TCF7L2: variants seen among roughly 807,000 people sequenced by gnomAD.
The protein encoded by TCF7L2 is transcription factor 7-like 2.
Under a neutral mutation model 77.9 loss-of-function variants are expected in TCF7L2, and 23 were observed. The ratio of observed to expected loss-of-function variants is 0.30; its 90% confidence interval spans 0.21 to 0.42. The LOEUF (loss-of-function observed/expected upper bound fraction) is 0.42, where lower values mean the gene tolerates loss of function less well. Ranked by LOEUF, TCF7L2 falls within the 10% of genes least tolerant of loss-of-function variation. The pLI is 1.00. For synonymous variants in TCF7L2, 413 were observed against 340.2 expected (o/e 1.21, Z -2.36); for missense variants, 654 against 793.1 (o/e 0.82, Z 2.11).
At chr10:113,159,650 G>T (rs564505694) in intron 12 of TCF7L2, among the ~76,000 whole-genome samples, 1 of 151,218 alleles carries the variant, frequency 6.6e-6, no homozygotes, top group Non-Finnish European at 1.5e-5. Flanking sequence ...TTAAAGAAGG[G>T]ATACTGCAGC....
chr10:113,118,744 C>CATATTTT (rs1287140385), intron 5 of TCF7L2, among the ~76,000 whole-genome samples: 1 of 149,508 alleles, frequency 6.7e-6, no homozygotes, highest in Non-Finnish European at 1.5e-5. Context: ...GTCCAGGCTG[C>CATATTTT]ATATTTTATA....
At chr10:113,084,438 G>C (rs2059617804) in intron 5 of TCF7L2, among the ~76,000 whole-genome samples, 1 of 152,248 alleles carries the variant, frequency 6.6e-6, no homozygotes, top group African/African-American at 2.4e-5. Flanking sequence ...GATCAGCCTT[G>C]TATTCTGTTC....
intron 5 of TCF7L2, among the ~76,000 whole-genome samples, chr10:113,127,556 T>G (rs1424591903): frequency 1.5e-5 from 2 of 131,880 alleles, no homozygotes; most frequent in Non-Finnish European, 2.9e-5. Context: ...GTTTTTGTTT[T>G]GTTGTTGTTG....
intron 5 of TCF7L2, among the ~76,000 whole-genome samples, chr10:113,070,736 ATAGT>A (rs2057891148): frequency 6.6e-6 from 1 of 152,208 alleles, no homozygotes; most frequent in Non-Finnish European, 1.5e-5. Context: ...TCTATTTGCT[ATAGT>A]TAAAGCAAGG....
chr10:112,969,951 T>C (rs541596272), intron 4 of TCF7L2, among the ~76,000 whole-genome samples: 1 of 152,184 alleles, frequency 6.6e-6, no homozygotes, highest in Non-Finnish European at 1.5e-5. Flanking sequence ...CTATGAGCAC[T>C]GTTGTGATGA....
chr10:112,997,554 G>A (rs1023651057), intron 4 of TCF7L2, among the ~76,000 whole-genome samples: 2 of 152,216 alleles, frequency 1.3e-5, no homozygotes, highest in Non-Finnish European at 2.9e-5. Flanking sequence ...GCCTTACTGG[G>A]CAGTAAGCTG....
intron 5 of TCF7L2, among the ~76,000 whole-genome samples, chr10:113,114,428 T>C (rs1290448626): frequency 1.3e-5 from 2 of 152,192 alleles, no homozygotes; most frequent in Admixed American, 1.3e-4. Context: ...TAGCAGAGAA[T>C]ACATCCCTTG....
At chr10:113,018,222 A>G (rs1051675729) in intron 4 of TCF7L2, among the ~76,000 whole-genome samples, 2 of 152,196 alleles carry the variant, frequency 1.3e-5, no homozygotes, top group Non-Finnish European at 2.9e-5. Context: ...GTAGGTGCTC[A>G]ATAAAGATCA....
intron 5 of TCF7L2, among the ~76,000 whole-genome samples, chr10:113,100,423 A>G (rs2061505289): frequency 6.6e-6 from 1 of 152,152 alleles, no homozygotes; most frequent in Admixed American, 6.5e-5. Flanking sequence ...TGTGTTTGCC[A>G]TTTGATTGAC....
intron 5 of TCF7L2, among the ~76,000 whole-genome samples, chr10:113,103,823 GAAGC>G (rs2061950733): frequency 1.3e-5 from 2 of 152,162 alleles, no homozygotes; most frequent in African/African-American, 4.8e-5. Flanking sequence ...ACTAGGAGGA[GAAGC>G]AAGCCTTAGC....
At chr10:112,995,136 T>G (rs548284010) in intron 4 of TCF7L2, among the ~76,000 whole-genome samples, 19 of 152,252 alleles carry the variant, frequency 1.2e-4, no homozygotes, top group Non-Finnish European at 2.6e-4. Context: ...TCATGTTAGA[T>G]CCACCCTCCT....
At chr10:112,953,188 A>G (rs894661159) in intron 3 of TCF7L2, among the ~76,000 whole-genome samples, 13 of 152,112 alleles carry the variant, frequency 8.5e-5, no homozygotes, top group Non-Finnish European at 1.9e-4. Flanking sequence ...GGGCCCTGGC[A>G]AAATGGCAAG....
At chr10:113,161,342 A>G (rs2073135456) in intron 13 of TCF7L2, 2 of 557,378 alleles carry the variant, frequency 3.6e-6, no homozygotes, top group African/African-American at 3.8e-5. Context: ...TGCAGAATTA[A>G]CAAAATATAT....
At chr10:113,127,728 G>A (rs1454098189) in intron 5 of TCF7L2, among the ~76,000 whole-genome samples, 1 of 152,106 alleles carries the variant, frequency 6.6e-6, no homozygotes, top group Non-Finnish European at 1.5e-5. Flanking sequence ...TGAATTTAGA[G>A]TAGTGCGATG....
At chr10:113,111,874 GT>G (rs1451613637) in intron 5 of TCF7L2, among the ~76,000 whole-genome samples, 1 of 152,162 alleles carries the variant, frequency 6.6e-6, no homozygotes, top group Non-Finnish European at 1.5e-5. Context: ...GAGCTTGTTT[GT>G]TTTTCTGTCT....
chr10:113,147,316 A>G (rs1308910628), intron 8 of TCF7L2, among the ~76,000 whole-genome samples: 1 of 152,218 alleles, frequency 6.6e-6, no homozygotes, highest in Non-Finnish European at 1.5e-5. Context: ...CTGGAAAGAC[A>G]GGTCAAGATG....
At chr10:112,993,573 C>T (rs2042968718) in intron 4 of TCF7L2, among the ~76,000 whole-genome samples, 2 of 152,136 alleles carry the variant, frequency 1.3e-5, no homozygotes, top group African/African-American at 4.8e-5. Context: ...TGCATTGGGC[C>T]TCTGTACCTA....
chr10:113,074,091 C>A (rs3750804), intron 5 of TCF7L2, among the ~76,000 whole-genome samples: 2 of 152,036 alleles, frequency 1.3e-5, no homozygotes, highest in Non-Finnish European at 2.9e-5. Flanking sequence ...CTGACTAACA[C>A]ACCAAAGGTC....
At chr10:113,160,035 G>A in intron 12 of TCF7L2, 43 bp downstream of exon 14, 2 of 1,570,822 alleles carry the variant, frequency 1.3e-6, no homozygotes, top group Non-Finnish European at 1.8e-6. Context: ...TTTGCAGCTG[G>A]TCTATTCGAT....
Sources: gnomAD v4.1 joint callset for allele counts (sites outside exome capture counted in the v4.1 genomes callset) on GRCh38, gnomAD v4.1.1 for gene constraint, MANE v1.5 for transcripts, NCBI Gene and HGNC (gene_info 2026-07-23, HGNC 2026-07-21) for gene names.